Variants in SPAG1 observed in about 807,000 individuals in gnomAD.
SPAG1 encodes sperm-associated antigen 1.
In SPAG1, 69 loss-of-function variants were observed where a neutral mutation model predicts 100.5. That is an observed-to-expected ratio of 0.69 (90% CI 0.57 to 0.84). The LOEUF is 0.84. Ranked by LOEUF, SPAG1 falls within the 40% of genes least tolerant of loss-of-function variation. The pLI is 0.00. For synonymous variants in SPAG1, 336 were observed against 411.6 expected (o/e 0.82, Z 2.22); for missense variants, 955 against 1,133.1 (o/e 0.84, Z 2.26).
intron 10 of SPAG1, among the ~76,000 whole-genome samples, chr8:100,205,812 C>G (rs1000702335): frequency 2.6e-5 from 4 of 151,518 alleles, no homozygotes; most frequent in Non-Finnish European, 5.9e-5. Flanking sequence ...GTCAAGAGAT[C>G]GAGACCATCC....
Position 100,183,375 on chromosome 8 carries a change from G to T in SPAG1, c.427G>T (p.Glu143Ter). 1 of 1,321,444 alleles carries T rather than the reference G, an allele frequency of 7.6e-7. No individual in the cohort carries two copies. The highest frequency in any genetic ancestry group is 1.1e-6 in the Non-Finnish European group (1 of 928,526). The allele number at this position is 1,321,444 out of a possible 1,614,324, so 81.9% of individuals were successfully genotyped here. The change falls in exon 5 of 19, where the codon GAA (glutamate) becomes TAA (stop). Residue 143 changes from glutamate (E) to a stop codon, truncating the protein, a stop_gained and splice_region_variant. Coordinates refer to ENST00000388798, the MANE Select transcript of SPAG1 (RefSeq NM_003114.5). LOFTEE classifies it high-confidence loss of function. ...ATAAAATATGATTTTATTCTTTTAG[G>T]AAAAATATTCTAAAAGACCAACTAA... is the stretch of plus-strand genomic sequence containing the variant. ...GSNSCLHVGK[E>*]KYSKRPTKKK...
chr8:100,172,034 A>G (rs539759567), intron 3 of SPAG1, among the ~76,000 whole-genome samples: 2 of 151,842 alleles, frequency 1.3e-5, no homozygotes, highest in East Asian at 2.0e-4. Context: ...AGCTGGGATT[A>G]CAGGCACGTG....
chr8:100,205,508 G>C (rs1817468233), intron 10 of SPAG1, among the ~76,000 whole-genome samples: 1 of 152,146 alleles, frequency 6.6e-6, no homozygotes, highest in African/African-American at 2.4e-5. Context: ...CATTTCCCCA[G>C]TGCCAGAATG....
intron 2 of SPAG1, chr8:100,165,328 T>TAATA: frequency 5.9e-6 from 3 of 509,372 alleles, no homozygotes; most frequent in Non-Finnish European, 1.2e-5. Flanking sequence ...CCATCATTGG[T>TAATA]AATAATTGCA....
At chr8:100,213,762 G>A in intron 11 of SPAG1, 57 bp from the exon 12 acceptor site, 1 of 1,111,204 alleles carries the variant, frequency 9.0e-7, no homozygotes, top group Non-Finnish European at 1.4e-6. Context: ...TGTAATTCTG[G>A]TGAACTGTGA....
At position 100,233,493 on chromosome 8, in the gene SPAG1, G is replaced by T. The variant is rs372189670; in HGVS notation, c.2071G>T (p.Val691Leu). 6 of 1,613,874 alleles carry T rather than the reference G, an allele frequency of 3.7e-6. No individual in the cohort carries two copies. Among genetic ancestry groups the T allele is most frequent in the Non-Finnish European group, 3.4e-6 (4 of 1,179,844 alleles). The change falls in exon 16 of 19, where the codon GTG becomes TTG. Residue 691 changes from valine (V) to leucine (L), a missense_variant. Val to Leu is a conservative substitution (Grantham distance 32). Coordinates refer to ENST00000388798, the MANE Select transcript of SPAG1 (RefSeq NM_003114.5). ...GGCACTTCAGCTAGCTGATGGGAAC[G>T]TGAAAGCCTTCTATAGACGAGCTCT... ...DQALQLADGN[V>L]KAFYRRALAH...
chr8:100,161,467 T>C (rs1358130739), intron 1 of SPAG1, among the ~76,000 whole-genome samples: 1 of 152,148 alleles, frequency 6.6e-6, no homozygotes, highest in African/African-American at 2.4e-5. Context: ...AAGTTAAATA[T>C]TAAAAGCCAG....
chr8:100,240,418 G>A lies in SPAG1; in HGVS notation c.2296G>A (p.Glu766Lys), dbSNP rs944169573. 4 of 1,597,710 alleles carry A rather than the reference G, an allele frequency of 2.5e-6. No individual in the cohort carries two copies. The highest frequency in any genetic ancestry group is 1.8e-5 in the Admixed American group (1 of 54,958). Residue 766 changes from glutamate (E) to lysine (K), a missense_variant, in exon 18 of 19, where the codon GAG becomes AAG. Physicochemically the swap from Glu to Lys is moderately conservative, Grantham distance 56. Transcript: ENST00000388798. ...IEIQEVNEGK[E>K]EPGRPAGEVS... Reference sequence around the variant, plus strand: ...CTTCATGAAGGTGAATGAAGGCAAGGAGGAGCCTGGAAGACCTGCAGGGGA... The same window carrying A: ...CTTCATGAAGGTGAATGAAGGCAAGAAGGAGCCTGGAAGACCTGCAGGGGA...
Position 100,225,170 on chromosome 8 carries a change from T to C in SPAG1, c.1689-3T>C. 1 of 1,607,232 alleles carries C rather than the reference T, an allele frequency of 6.2e-7. No individual in the cohort carries two copies. The highest frequency in any genetic ancestry group is 8.5e-7 in the Non-Finnish European group (1 of 1,174,872). On this transcript the variant is annotated splice_polypyrimidine_tract_variant and splice_region_variant and intron_variant, in intron 13 of 18. Coordinates refer to ENST00000388798, the MANE Select transcript of SPAG1 (RefSeq NM_003114.5). ...CAACAGAGAAAATTCACTTTCTCTT[T>C]AGGCTATCAAGAATTTTAATGGAGC...
chr8:100,194,328 C>G lies in SPAG1; in HGVS notation c.1096+60C>G, dbSNP rs1431786841. The stretch of plus-strand genomic sequence containing the variant: ...GCTGCCTTTTAATATGATGAGCTGG[C>G]TCAATTTTTCTATTCGTACAGAAAT... On this transcript the variant is annotated intron_variant, in intron 10 of 18. Coordinates refer to ENST00000388798, the MANE Select transcript of SPAG1 (RefSeq NM_003114.5). 6 of 1,563,240 alleles carry G rather than the reference C, an allele frequency of 3.8e-6. No homozygotes were observed. The African/African-American group carries it at 8.2e-5, about 21-fold the overall frequency.
At chr8:100,207,389 G>A (rs1395429811) in intron 10 of SPAG1, among the ~76,000 whole-genome samples, 1 of 152,194 alleles carries the variant, frequency 6.6e-6, no homozygotes, top group Non-Finnish European at 1.5e-5. Context: ...CCTGTGATCA[G>A]TTGACAGACT....
intron 10 of SPAG1, among the ~76,000 whole-genome samples, chr8:100,201,007 A>AT (rs1178639266): frequency 1.3e-5 from 2 of 151,066 alleles, no homozygotes; most frequent in African/African-American, 2.4e-5. Context: ...TTTTTTTCAG[A>AT]TTTTTTTTCT....
At chr8:100,188,299 G>T (rs185531109) in intron 8 of SPAG1, among the ~76,000 whole-genome samples, 1 of 151,782 alleles carries the variant, frequency 6.6e-6, no homozygotes. Flanking sequence ...CTACAAGCAC[G>T]TGCCACCACA....
chr8:100,158,128 T>A (rs1815139496), upstream of SPAG1: 2 of 152,312 alleles, frequency 1.3e-5, no homozygotes, highest in African/African-American at 2.4e-5. Context: ...AGTGAGTGCC[T>A]GTGTGTACCT....
intron 13 of SPAG1, among the ~76,000 whole-genome samples, chr8:100,223,276 C>T (rs906678277): frequency 3.3e-5 from 5 of 152,102 alleles, no homozygotes; most frequent in African/African-American, 4.8e-5. Flanking sequence ...AGTTCCTTTT[C>T]GTATATGCCT....
intron 14 of SPAG1, among the ~76,000 whole-genome samples, chr8:100,226,456 C>A (rs1237181743): frequency 1.3e-5 from 2 of 152,102 alleles, no homozygotes; most frequent in Non-Finnish European, 2.9e-5. Context: ...CTCCTGTAAT[C>A]CCAGCACTTT....
chr8:100,231,209 A>C lies in SPAG1; in HGVS notation c.1909A>C (p.Lys637Gln). The C allele has an allele frequency of 6.2e-7, 1 of 1,607,934 alleles. No homozygotes were observed. Among genetic ancestry groups the C allele is most frequent in the South Asian group, 1.1e-5 (1 of 90,366 alleles). Residue 637 changes from lysine (K) to glutamine (Q), a missense_variant, in exon 15 of 19, where the codon AAA becomes CAA. By Grantham distance (53) the Lys-to-Gln change is moderately conservative. Coordinates refer to ENST00000388798, the MANE Select transcript of SPAG1 (RefSeq NM_003114.5). ...KEEGNQCVND[K>Q]NYKDALSKYS... The stretch of plus-strand genomic sequence containing the variant: ...AGAAGGAAATCAATGTGTAAATGAC[A>C]AAAACTATAAAGACGCCCTCAGTAA...
At chr8:100,218,173 G>A (rs1217356653) in intron 12 of SPAG1, among the ~76,000 whole-genome samples, 1 of 152,146 alleles carries the variant, frequency 6.6e-6, no homozygotes. Context: ...GTGTTACCTT[G>A]AATAGATAGC....
intron 7 of SPAG1, among the ~76,000 whole-genome samples, chr8:100,186,057 ATTCTT>A (rs1445623272): frequency 2.3e-5 from 2 of 86,888 alleles, no homozygotes; most frequent in Non-Finnish European, 4.5e-5. Flanking sequence ...CCTTGGGCAG[ATTCTT>A]TTTTTTTTTT....
Sources: gnomAD v4.1 joint callset for allele counts (sites outside exome capture counted in the v4.1 genomes callset) on GRCh38, gnomAD v4.1.1 for gene constraint, MANE v1.5 for transcripts, NCBI Gene and HGNC (gene_info 2026-07-23, HGNC 2026-07-21) for gene names.